RAPGEF6: variants seen among roughly 807,000 people sequenced by gnomAD.
RAPGEF6 encodes Rap guanine nucleotide exchange factor 6.
In RAPGEF6, 56 loss-of-function variants were observed where a neutral mutation model predicts 171.4. The observed-to-expected ratio is 0.33, with a 90% confidence interval of 0.26 to 0.41. The LOEUF is 0.41. RAPGEF6 is among the 10% of genes least tolerant of loss of function. RAPGEF6 has a pLI of 1.00. For synonymous variants in RAPGEF6, 692 were observed against 650.1 expected (o/e 1.06, Z -0.98); for missense variants, 1,674 against 1,921.4 (o/e 0.87, Z 2.41).
At chr5:131,489,240 C>T (rs1042802924) in intron 15 of RAPGEF6, among the ~76,000 whole-genome samples, 13 of 152,092 alleles carry the variant, frequency 8.5e-5, no homozygotes, top group African/African-American at 4.8e-5. Flanking sequence ...AGTTTTATTC[C>T]GGACATTCTA....
intron 6 of RAPGEF6, among the ~76,000 whole-genome samples, chr5:131,523,277 T>G (rs932079189): frequency 2.8e-5 from 4 of 141,576 alleles, no homozygotes; most frequent in Non-Finnish European, 6.0e-5. Flanking sequence ...TTCTGTTGTA[T>G]GCTTTTTTTT....
chr5:131,543,737 A>C (rs1262365045), intron 6 of RAPGEF6, among the ~76,000 whole-genome samples: 2 of 152,148 alleles, frequency 1.3e-5, no homozygotes, highest in East Asian at 3.8e-4. Flanking sequence ...TAAATACTGG[A>C]GTTTTTATAC....
At chr5:131,445,493 C>CTTGTGTGTGTGTGTGTGTGTGTG (rs1554070849) in intron 22 of RAPGEF6, among the ~76,000 whole-genome samples, 95 of 147,332 alleles carry the variant, frequency 6.4e-4, no homozygotes, top group African/African-American at 2.2e-3. Context: ...AACTCACTCT[C>CTTGTGTGTGTGTGTGTGTGTGTG]TGTGTGTGTG....
chr5:131,587,673 G>T (rs1763334232), intron 4 of RAPGEF6, among the ~76,000 whole-genome samples: 1 of 152,148 alleles, frequency 6.6e-6, no homozygotes, highest in South Asian at 2.1e-4. Context: ...CGACTCAAAG[G>T]CAAAGTCTCT....
chr5:131,489,720 G>T, intron 14 of RAPGEF6, 66 bp from the exon 15 acceptor site: 1 of 768,624 alleles, frequency 1.3e-6, no homozygotes, highest in Non-Finnish European at 2.0e-6. Flanking sequence ...AACCTTAAAA[G>T]TTTAATAGTG....
chr5:131,621,298 CT>C (rs904517654), intron 1 of RAPGEF6, among the ~76,000 whole-genome samples: 3 of 151,062 alleles, frequency 2.0e-5, no homozygotes, highest in African/African-American at 7.3e-5. Flanking sequence ...TTTTCTTTTT[CT>C]TTTTTTTTCA....
intron 4 of RAPGEF6, among the ~76,000 whole-genome samples, chr5:131,574,348 G>A (rs529180171): frequency 1.9e-4 from 29 of 152,096 alleles, no homozygotes; most frequent in Non-Finnish European, 3.8e-4. Context: ...GACACTGCCC[G>A]ATCGCCTTGG....
At chr5:131,511,744 A>G (rs1757744711) in intron 7 of RAPGEF6, among the ~76,000 whole-genome samples, 1 of 152,006 alleles carries the variant, frequency 6.6e-6, no homozygotes, top group Non-Finnish European at 1.5e-5. Flanking sequence ...CATGTGATCC[A>G]CCCACCTTGG....
At chr5:131,429,985 G>A (rs536741745) in intron 26 of RAPGEF6, among the ~76,000 whole-genome samples, 1 of 151,570 alleles carries the variant, frequency 6.6e-6, no homozygotes, top group East Asian at 1.9e-4. Flanking sequence ...GGCAGGCGAA[G>A]GTTGCAGTGA....
chr5:131,625,785 C>T (rs1325590655), intron 1 of RAPGEF6, among the ~76,000 whole-genome samples: 1 of 147,678 alleles, frequency 6.8e-6, no homozygotes, highest in African/African-American at 2.5e-5. Flanking sequence ...CACTGCGCTC[C>T]AGCCTGGGTG....
At chr5:131,508,640 A>C (rs991118208) in intron 8 of RAPGEF6, among the ~76,000 whole-genome samples, 1 of 152,224 alleles carries the variant, frequency 6.6e-6, no homozygotes, top group African/African-American at 2.4e-5. Context: ...AGGGATAATA[A>C]ATGTGAATTC....
chr5:131,600,048 AT>A (rs571626503), intron 3 of RAPGEF6, among the ~76,000 whole-genome samples: 5 of 151,512 alleles, frequency 3.3e-5, no homozygotes, highest in Admixed American at 1.3e-4. Context: ...ACTTTCCCGC[AT>A]TTTTTTTTGT....
chr5:131,558,431 C>T (rs534490365), intron 5 of RAPGEF6, among the ~76,000 whole-genome samples: 1 of 151,980 alleles, frequency 6.6e-6, no homozygotes, highest in African/African-American at 2.4e-5. Flanking sequence ...TGAGACTCAA[C>T]CTTGTCCTTT....
At chr5:131,580,465 C>A (rs971294458) in intron 4 of RAPGEF6, among the ~76,000 whole-genome samples, 1 of 152,112 alleles carries the variant, frequency 6.6e-6, no homozygotes, top group Non-Finnish European at 1.5e-5. Context: ...CCTCAGCCAG[C>A]CCTGAGAGGG....
intron 4 of RAPGEF6, among the ~76,000 whole-genome samples, chr5:131,566,141 T>A (rs1761917766): frequency 1.3e-5 from 2 of 150,788 alleles, no homozygotes; most frequent in Non-Finnish European, 3.0e-5. Flanking sequence ...AATGAGACTC[T>A]GTCTCAATAA....
chr5:131,545,695 A>C (rs550509913), intron 6 of RAPGEF6, among the ~76,000 whole-genome samples: 81 of 152,326 alleles, frequency 5.3e-4, no homozygotes, highest in African/African-American at 1.7e-3. Flanking sequence ...TCAATACCAT[A>C]TTTTCTAAGT....
At chr5:131,564,244 A>T (rs1235706401) in intron 4 of RAPGEF6, among the ~76,000 whole-genome samples, 2 of 152,228 alleles carry the variant, frequency 1.3e-5, no homozygotes, top group Admixed American at 1.3e-4. Flanking sequence ...GGGGAGAGAG[A>T]GAACAACATT....
At position 131,548,145 on chromosome 5, in the gene RAPGEF6, T is replaced by C; in HGVS notation, c.397A>G (p.Ile133Val). ...DNEDSILQRE[I>V]PARQSRRRFR... ...CTTCTTCGGGATTGTCTGGCAGGAATTTCTCTTTGTAGAATACTATCTTCA... is the reference window on the plus strand; with the variant it reads ...CTTCTTCGGGATTGTCTGGCAGGAACTTCTCTTTGTAGAATACTATCTTCA... The change falls in exon 6 of 28, where the codon ATT becomes GTT. Residue 133 changes from isoleucine to valine, a missense_variant. Around this residue, in one of 3 missense-constraint regions of RAPGEF6, gnomAD observed 1,116 missense variants for 1,321.5 expected, o/e 0.84. Coordinates refer to ENST00000509018, the MANE Select transcript of RAPGEF6 (RefSeq NM_016340.6). The C allele has an allele frequency of 6.2e-7, 1 of 1,614,026 alleles. No individual in the cohort carries two copies. Among genetic ancestry groups the C allele is most frequent in the Non-Finnish European group, 8.5e-7 (1 of 1,179,944 alleles).
intron 12 of RAPGEF6, among the ~76,000 whole-genome samples, chr5:131,496,211 C>T (rs1374690539): frequency 2.0e-5 from 3 of 152,158 alleles, no homozygotes; most frequent in African/African-American, 7.2e-5. Context: ...CCTTACAAAT[C>T]TGAAACTTCT....
Sources: allele counts gnomAD v4.1 joint callset (sites outside exome capture counted in the v4.1 genomes callset), GRCh38; gene constraint gnomAD v4.1.1; regional missense constraint gnomAD v4.1.1; transcripts MANE v1.5; gene names NCBI Gene and HGNC (gene_info 2026-07-23, HGNC 2026-07-21).